SLC2A9: variants seen among roughly 807,000 people sequenced by gnomAD.
The protein encoded by SLC2A9 is solute carrier family 2 member 9.
A neutral mutation model predicts 50.6 loss-of-function variants in SLC2A9; 39 were observed. That is an observed-to-expected ratio of 0.77 (90% CI 0.60 to 1.01). The LOEUF (loss-of-function observed/expected upper bound fraction) is 1.01, where lower values mean the gene tolerates loss of function less well. Ranked by LOEUF, SLC2A9 falls within the 50% of genes least tolerant of loss-of-function variation. The pLI is 0.00. For synonymous variants in SLC2A9, 324 were observed against 276.9 expected, an observed-to-expected ratio of 1.17 and a Z score of -1.69; for missense variants, 686 against 677.6, an observed-to-expected ratio of 1.01 and a Z score of -0.14.
At chr4:9,956,763 A>ATT (rs34008312) in intron 5 of SLC2A9, among the ~76,000 whole-genome samples, 16 of 151,892 alleles carry the variant, frequency 1.1e-4, no homozygotes, top group South Asian at 2.1e-4. Context: ...GTACCGAAAA[A>ATT]TTTTTTTAAA....
At chr4:9,807,743 G>C (rs1722313824) in intron 3 of SLC2A9, among the ~76,000 whole-genome samples, 1 of 152,208 alleles carries the variant, frequency 6.6e-6, no homozygotes, top group Non-Finnish European at 1.5e-5. Context: ...GATTTGGCTA[G>C]AATTCAAGAT....
intron 5 of SLC2A9, among the ~76,000 whole-genome samples, chr4:9,942,750 C>G (rs760019542): frequency 2.2e-4 from 33 of 152,178 alleles, no homozygotes; most frequent in Non-Finnish European, 2.9e-5. Flanking sequence ...GTTACGATGC[C>G]CATCAAGGTA....
intron 5 of SLC2A9, among the ~76,000 whole-genome samples, chr4:9,951,462 A>C (rs62294293): frequency 0.19 from 29,071 of 152,114 alleles, 2,973 homozygotes; most frequent in Non-Finnish European, 0.21. Context: ...GGTGATGGAT[A>C]CCTTAAATAT....
At chr4:10,003,971 C>A (rs1015467916) in intron 2 of SLC2A9, among the ~76,000 whole-genome samples, 11 of 152,182 alleles carry the variant, frequency 7.2e-5, no homozygotes, top group African/African-American at 2.4e-4. Context: ...GCCACAGAGC[C>A]ACAAGGGGCC....
chr4:9,996,712 C>G, intron 3 of SLC2A9, 69 bp downstream of exon 3: 1 of 1,561,030 alleles, frequency 6.4e-7, no homozygotes, highest in Non-Finnish European at 8.8e-7. Context: ...CCTGTCAGGA[C>G]CCTGACAATG....
At chr4:9,780,592 A>G (rs1352345862) in intron 3 of SLC2A9, among the ~76,000 whole-genome samples, 2 of 152,192 alleles carry the variant, frequency 1.3e-5, no homozygotes, top group African/African-American at 4.8e-5. Flanking sequence ...AGACCTCACC[A>G]TGCTGCAGGT....
chr4:9,813,268 G>C (rs770230405), intron 3 of SLC2A9, among the ~76,000 whole-genome samples: 1 of 152,174 alleles, frequency 6.6e-6, no homozygotes, highest in Non-Finnish European at 1.5e-5. Flanking sequence ...CCATCAACCA[G>C]TTTCATCTCT....
chr4:10,033,695 C>A (rs775134006), intron 1 of SLC2A9, among the ~76,000 whole-genome samples: 1 of 152,176 alleles, frequency 6.6e-6, no homozygotes, highest in East Asian at 1.9e-4. Flanking sequence ...TCTCTGCACT[C>A]GCCTGCTTAC....
intron 3 of SLC2A9, among the ~76,000 whole-genome samples, chr4:9,987,527 T>C (rs986507497): frequency 2.0e-5 from 3 of 152,146 alleles, no homozygotes; most frequent in Non-Finnish European, 4.4e-5. Flanking sequence ...TTAACAGATA[T>C]TAAATTGTTT....
At chr4:9,908,561 A>T (rs1560283007) in intron 7 of SLC2A9, among the ~76,000 whole-genome samples, 2 of 140,992 alleles carry the variant, frequency 1.4e-5, no homozygotes, top group Non-Finnish European at 3.1e-5. Flanking sequence ...TTATATATAT[A>T]TTTTATTATA....
intron 1 of SLC2A9, among the ~76,000 whole-genome samples, chr4:10,039,028 T>C (rs1227118433): frequency 6.6e-6 from 1 of 152,244 alleles, no homozygotes; most frequent in Non-Finnish European, 1.5e-5. Context: ...TGTGCATGAT[T>C]GTGTTCCAGT....
chr4:9,844,367 G>T (rs1176421366), intron 10 of SLC2A9, among the ~76,000 whole-genome samples: 1 of 152,012 alleles, frequency 6.6e-6, no homozygotes, highest in Non-Finnish European at 1.5e-5. Context: ...TCTATGTAAA[G>T]AATTGCCAAG....
Position 9,895,726 on chromosome 4 carries a change from T to C in SLC2A9, c.1114-5015A>G, listed in dbSNP as rs545224376. Reference sequence around the variant, plus strand: ...GTTTTCATTCAGTCTAATGTACCCATTTGAATTGCACAGTCTTGTATGTTT... The same window carrying C: ...GTTTTCATTCAGTCTAATGTACCCACTTGAATTGCACAGTCTTGTATGTTT... On this transcript the variant is annotated intron_variant, in intron 8 of 11. Coordinates refer to ENST00000264784, the MANE Select transcript of SLC2A9 (RefSeq NM_020041.3). 3.3e-5 allele frequency among the ~76,000 whole-genome samples: 5 copies of C among 152,322 alleles called. No homozygotes were observed. The East Asian group carries it at 9.7e-4, about 29-fold the overall frequency.
chr4:10,020,538 G>A (rs1241096227), intron 1 of SLC2A9, among the ~76,000 whole-genome samples: 1 of 152,216 alleles, frequency 6.6e-6, no homozygotes, highest in Non-Finnish European at 1.5e-5. Flanking sequence ...TTTTTCTGCA[G>A]TGAGAGGAGC....
intron 10 of SLC2A9, among the ~76,000 whole-genome samples, chr4:9,850,833 G>C (rs1196761899): frequency 2.0e-5 from 3 of 152,100 alleles, no homozygotes; most frequent in Admixed American, 6.5e-5. Context: ...TGCGTACCCT[G>C]CTGTGCCCCC....
In SLC2A9 at chr4:9,908,243, C is replaced by A. The variant is rs560972980; in HGVS notation, c.1105G>T (p.Val369Phe). The A allele has an allele frequency of 3.1e-6, 5 of 1,611,496 alleles. No individual in the cohort carries two copies. The highest frequency in any genetic ancestry group is 4.2e-6 in the Non-Finnish European group (5 of 1,177,642). ...ACCCTCAGTTGACTTACAGAGAAGACGGCAGCCAAAGTCTCGATGCCCCCT... is the reference window on the plus strand; with the variant it reads ...ACCCTCAGTTGACTTACAGAGAAGAAGGCAGCCAAAGTCTCGATGCCCCCT... ...STGGIETLAA[V>F]FSGLVIEHLG... Residue 369 changes from valine (V) to phenylalanine (F), a missense_variant, in exon 8 of 12, where the codon GTC becomes TTC. Physicochemically the swap from Val to Phe is conservative, Grantham distance 50. Transcript: ENST00000264784.
chr4:9,926,755 T>A (rs1402320061), intron 6 of SLC2A9, among the ~76,000 whole-genome samples: 1 of 152,126 alleles, frequency 6.6e-6, no homozygotes, highest in Non-Finnish European at 1.5e-5. Context: ...ATAATTAATA[T>A]GTAAGTTATG....
At chr4:9,942,997 T>C (rs1748465528) in intron 5 of SLC2A9, among the ~76,000 whole-genome samples, 1 of 152,196 alleles carries the variant, frequency 6.6e-6, no homozygotes, top group Admixed American at 6.5e-5. Context: ...GCAGAGGTTC[T>C]GTTGGCTTCA....
At chr4:10,033,362 C>T (rs1196184273) in intron 1 of SLC2A9, among the ~76,000 whole-genome samples, 1 of 152,146 alleles carries the variant, frequency 6.6e-6, no homozygotes, top group African/African-American at 2.4e-5. Context: ...CAGATGGCTT[C>T]CCGGCAGCCG....
Sources: gnomAD v4.1 joint callset for allele counts (sites outside exome capture counted in the v4.1 genomes callset) on GRCh38, gnomAD v4.1.1 for gene constraint, MANE v1.5 for transcripts, NCBI Gene and HGNC (gene_info 2026-07-23, HGNC 2026-07-21) for gene names.